Variants in ERO1A observed in about 807,000 individuals in gnomAD.
The protein encoded by ERO1A is ERO1-like protein alpha.
In ERO1A, 49 loss-of-function variants were observed where a neutral mutation model predicts 76.9. That is an observed-to-expected ratio of 0.64 (90% CI 0.51 to 0.81). The LOEUF (loss-of-function observed/expected upper bound fraction) is 0.81. Ranked by LOEUF, ERO1A falls within the 30% of genes least tolerant of loss-of-function variation. The probability of loss-of-function intolerance (pLI) is 0.00; values close to 1 mark genes in which losing one functional copy is unlikely to be tolerated. For missense variants in ERO1A, 448 were observed against 542.1 expected, an observed-to-expected ratio of 0.83 and a Z score of 1.72; for synonymous variants, 174 against 181.2, an observed-to-expected ratio of 0.96 and a Z score of 0.32.
At chr14:52,673,046 G>A (rs1212767261) in intron 4 of ERO1A, among the ~76,000 whole-genome samples, 1 of 151,718 alleles carries the variant, frequency 6.6e-6, no homozygotes, top group Non-Finnish European at 1.5e-5. Flanking sequence ...TCTACTTTTT[G>A]TAGGTATAAA....
intron 12 of ERO1A, 52 bp downstream of exon 12, chr14:52,653,017 T>C: frequency 7.6e-7 from 1 of 1,323,942 alleles, no homozygotes; most frequent in Non-Finnish European, 1.0e-6. Context: ...ATTTATCTTG[T>C]ACATTAATTG....
At chr14:52,676,700 A>T (rs2040796248) in intron 4 of ERO1A, among the ~76,000 whole-genome samples, 1 of 152,148 alleles carries the variant, frequency 6.6e-6, no homozygotes, top group African/African-American at 2.4e-5. Flanking sequence ...TTTAGCATAC[A>T]CATATCAAAT....
rs988889234 is a variant in ERO1A, at chr14:52,642,465, T to A, written c.*1105A>T. ...CTCAAAAAGAACTTTAGATTGGAAC[T>A]TGAAAGTATTATTTATTCTAAGGCT... On this transcript the variant is annotated 3_prime_UTR_variant, in exon 16 of 16. Coordinates refer to ENST00000395686, the MANE Select transcript of ERO1A (RefSeq NM_014584.3). 6 of 152,168 alleles carry A rather than the reference T, an allele frequency of 3.9e-5. No individual in the cohort carries two copies. Among genetic ancestry groups the A allele is most frequent in the African/African-American group, 1.4e-4 (6 of 41,436 alleles). 9.4% of individuals were successfully genotyped at this position (152,168 alleles called of 1,614,324 possible). A position where few individuals can be genotyped will look rare whatever the true frequency, so the allele number is the denominator to read the frequency against.
At chr14:52,659,844 A>G (rs1444361129) in intron 9 of ERO1A, among the ~76,000 whole-genome samples, 7 of 151,226 alleles carry the variant, frequency 4.6e-5, no homozygotes, top group Admixed American at 6.6e-5. Context: ...AAAAAAAAAA[A>G]AAAAGAAAAA....
rs749648627 is a variant in ERO1A at position 52,682,353 on chromosome 14, C to G, written c.290G>C (p.Arg97Thr). The G allele has an allele frequency of 1.9e-6, 3 of 1,612,044 alleles. No homozygotes were observed. The South Asian group carries it at 3.3e-5, about 18-fold the overall frequency. ...FWNDISQCGR[R>T]DCAVKPCQSD... ...TTGACATGGTTTGACAGCACAGTCC[C>G]TTCTTCCACACTGGCTGATGTCATT... Residue 97 changes from arginine to threonine, a missense_variant, in exon 3 of 16, where the codon AGG becomes ACG. This residue lies in a region of ERO1A where 146 missense variants were observed against 130.2 expected (regional missense o/e 1.12). Coordinates refer to ENST00000395686, the MANE Select transcript of ERO1A (RefSeq NM_014584.3).
chr14:52,684,118 G>GACACACACAC (rs60355765), intron 1 of ERO1A, among the ~76,000 whole-genome samples: 2,758 of 134,532 alleles, frequency 0.021, 69 homozygotes, highest in African/African-American at 0.056. Context: ...CAGAGCTCAT[G>GACACACACAC]ACACACACAC....
intron 4 of ERO1A, among the ~76,000 whole-genome samples, chr14:52,673,253 C>A (rs1361908189): frequency 1.3e-5 from 2 of 151,944 alleles, no homozygotes; most frequent in African/African-American, 4.8e-5. Context: ...CCATGTATGG[C>A]TAATTTTTTA....
At chr14:52,664,387 G>A (rs2040332654) in intron 7 of ERO1A, among the ~76,000 whole-genome samples, 1 of 152,058 alleles carries the variant, frequency 6.6e-6, no homozygotes, top group Admixed American at 6.6e-5. Context: ...GAAATTTTCT[G>A]GAGAGTTACT....
At chr14:52,689,471 A>G (rs1196046073) in intron 1 of ERO1A, among the ~76,000 whole-genome samples, 1 of 152,164 alleles carries the variant, frequency 6.6e-6, no homozygotes, top group African/African-American at 2.4e-5. Flanking sequence ...ACAAAAATCA[A>G]TTGTGCTTCT....
At chr14:52,673,998 A>G (rs2139725675) in intron 4 of ERO1A, among the ~76,000 whole-genome samples, 1 of 152,364 alleles carries the variant, frequency 6.6e-6, no homozygotes, top group Admixed American at 6.5e-5. Context: ...CATTTGTTTC[A>G]TAGATTTCTT....
At chr14:52,648,135 T>G (rs2039733806) in intron 13 of ERO1A, among the ~76,000 whole-genome samples, 3 of 152,220 alleles carry the variant, frequency 2.0e-5, no homozygotes, top group Admixed American at 1.3e-4. Context: ...TTACCATATC[T>G]TAATAATATT....
intron 13 of ERO1A, among the ~76,000 whole-genome samples, chr14:52,651,191 G>A (rs1380394647): frequency 2.6e-5 from 4 of 151,932 alleles, no homozygotes; most frequent in Admixed American, 6.5e-5. Context: ...AGAAAGCTGA[G>A]GTGGGAGGAT....
intron 4 of ERO1A, among the ~76,000 whole-genome samples, chr14:52,672,652 A>G (rs1180094728): frequency 1.3e-5 from 2 of 151,824 alleles, no homozygotes; most frequent in African/African-American, 4.8e-5. Flanking sequence ...TGCCTATAAT[A>G]CTAGCTACTC....
chr14:52,694,105 T>C lies in ERO1A; in HGVS notation c.114+1263A>G, dbSNP rs74051029. 3.3e-3 allele frequency among the ~76,000 whole-genome samples: 504 copies of C among 152,326 alleles called. 3 individuals are homozygous for C. The highest frequency in any genetic ancestry group is 0.011 in the African/African-American group (475 of 41,574). ...CCAGAATGTAGCTGAAAATGTTACA[T>C]TGGACATCTTCTTTCCGTAAAGAAT... is the stretch of plus-strand genomic sequence containing the variant. On this transcript the variant is annotated intron_variant, in intron 1 of 15. Coordinates refer to ENST00000395686, the MANE Select transcript of ERO1A (RefSeq NM_014584.3).
chr14:52,664,403 A>T (rs1335186341), intron 7 of ERO1A, among the ~76,000 whole-genome samples: 1 of 152,186 alleles, frequency 6.6e-6, no homozygotes, highest in Non-Finnish European at 1.5e-5. Context: ...TTACTATGTC[A>T]TTAAAGTGCT....
chr14:52,653,395 T>A lies in ERO1A; in HGVS notation c.809-80A>T, dbSNP rs1308481384. On this transcript the variant is annotated intron_variant, in intron 11 of 15. Transcript: ENST00000395686. Reference sequence around the variant, plus strand: ...AATTATATTAGGTTATTCATGCCTATAGAAGTTAATTTCATTTTGCATTTT... The same window carrying A: ...AATTATATTAGGTTATTCATGCCTAAAGAAGTTAATTTCATTTTGCATTTT... 3.1e-5 allele frequency: 34 copies of A among 1,100,266 alleles called. No homozygotes were observed. The South Asian group carries it at 7.0e-4, about 23-fold the overall frequency. The allele number at this position is 1,100,266 out of a possible 1,614,324, so 68.2% of individuals were successfully genotyped here. A position where few individuals can be genotyped will look rare whatever the true frequency, so the allele number is the denominator to read the frequency against.
At position 52,695,533 on chromosome 14, in the gene ERO1A, C is replaced by T. The variant is rs748276372; in HGVS notation, c.-52G>A. The T allele has an allele frequency of 1.5e-6, 2 of 1,314,042 alleles. No individual in the cohort carries two copies. Among genetic ancestry groups the T allele is most frequent in the Non-Finnish European group, 2.0e-6 (2 of 991,128 alleles). The allele number at this position is 1,314,042 out of a possible 1,614,324, so 81.4% of individuals were successfully genotyped here. On this transcript the variant is annotated 5_prime_UTR_variant, in exon 1 of 16. Transcript: ENST00000395686. The stretch of plus-strand genomic sequence containing the variant: ...CGCTTGGGAGGCCAGTCCGCACGCT[C>T]GGTCGCGGGCCGTGCGCCCTCAGAT...
intron 11 of ERO1A, among the ~76,000 whole-genome samples, chr14:52,657,544 C>T (rs575039229): frequency 3.3e-5 from 5 of 152,318 alleles, no homozygotes; most frequent in South Asian, 2.1e-4. Flanking sequence ...GCAGGAAAGG[C>T]TTTTACCCAT....
intron 8 of ERO1A, 71 bp downstream of exon 8, chr14:52,663,730 T>C: frequency 1.1e-6 from 1 of 900,304 alleles, no homozygotes; most frequent in Non-Finnish European, 1.8e-6. Context: ...TCATTTATCT[T>C]GCCTTCCCCT....
Sources: gnomAD v4.1 joint callset for allele counts (sites outside exome capture counted in the v4.1 genomes callset) on GRCh38, gnomAD v4.1.1 for gene constraint, gnomAD v4.1.1 regional missense constraint, MANE v1.5 for transcripts, NCBI Gene and HGNC (gene_info 2026-07-23, HGNC 2026-07-21) for gene names.